Variants in AGAP3 observed in about 807,000 individuals in gnomAD.
AGAP3 encodes the protein arf-GAP with GTPase, ANK repeat and PH domain-containing protein 3.
A neutral mutation model predicts 96.9 loss-of-function variants in AGAP3; 24 were observed. The ratio of observed to expected loss-of-function variants is 0.25; its 90% CI spans 0.18 to 0.35. The LOEUF is 0.35. Ranked by LOEUF, AGAP3 falls within the 10% of genes least tolerant of loss-of-function variation. The pLI, the probability that AGAP3 is intolerant of heterozygous loss-of-function variation, is 1.00. For missense variants in AGAP3, 876 were observed against 1,254.2 expected, an observed-to-expected ratio of 0.70 and a Z score of 4.55; for synonymous variants, 563 against 536.1, an observed-to-expected ratio of 1.05 and a Z score of -0.69.
intron 1 of AGAP3, among the ~76,000 whole-genome samples, chr7:151,111,830 T>C (rs1030335544): frequency 6.6e-6 from 1 of 151,240 alleles, no homozygotes; most frequent in African/African-American, 2.5e-5. Flanking sequence ...TCTCAGCCCC[T>C]GAGAGTCACA....
In AGAP3 at chr7:151,120,854, C is replaced by T. The variant is rs969976987; in HGVS notation, c.1128+709C>T. 3 of 1,152,980 alleles carry T rather than the reference C, an allele frequency of 2.6e-6. No individual in the cohort carries two copies. The African/African-American group carries it at 4.9e-5, about 19-fold the overall frequency. 71.4% of individuals were successfully genotyped at this position (1,152,980 alleles called of 1,614,324 possible). ...CTGAGGGTGGCCTCTGGCTCTCAGGCCCCAGGGCCTGCTGTCTCTCCACTC... is the reference window on the plus strand; with the variant it reads ...CTGAGGGTGGCCTCTGGCTCTCAGGTCCCAGGGCCTGCTGTCTCTCCACTC... On this transcript the variant is annotated intron_variant, in intron 8 of 17. Transcript: ENST00000397238.
intron 8 of AGAP3, among the ~76,000 whole-genome samples, 158 bp downstream of exon 8, chr7:151,120,303 C>T (rs1379880578): frequency 2.0e-5 from 3 of 152,308 alleles, no homozygotes; most frequent in Non-Finnish European, 4.4e-5. Context: ...GGGTCCTTGC[C>T]GGTGCCCTCA....
At chr7:151,116,741 G>A in intron 1 of AGAP3, 52 bp from the exon 2 acceptor site, 1 of 1,608,262 alleles carries the variant, frequency 6.2e-7, no homozygotes, top group Non-Finnish European at 8.5e-7. Flanking sequence ...CAGTGGTTGG[G>A]ACAGGTGTGT....
intron 12 of AGAP3, among the ~76,000 whole-genome samples, 169 bp downstream of exon 12, chr7:151,138,482 G>A (rs967266640): frequency 2.0e-5 from 3 of 152,222 alleles, no homozygotes; most frequent in Admixed American, 2.0e-4. Flanking sequence ...CTGCTTCGGG[G>A]CTAGTACTGA....
intron 9 of AGAP3, among the ~76,000 whole-genome samples, chr7:151,127,695 G>C (rs370047175): frequency 8.5e-5 from 13 of 152,226 alleles, no homozygotes; most frequent in African/African-American, 3.1e-4. Context: ...TTAAGGGAGA[G>C]AAGCTGAGCC....
intron 1 of AGAP3, among the ~76,000 whole-genome samples, chr7:151,103,080 C>T (rs184270809): frequency 3.2e-4 from 48 of 152,356 alleles, no homozygotes; most frequent in Non-Finnish European, 5.0e-4. Context: ...AGAAAGAATG[C>T]CTTTCTCTTA....
chr7:151,123,209 G>A (rs547890977), intron 8 of AGAP3: 29 of 1,076,392 alleles, frequency 2.7e-5, no homozygotes, highest in African/African-American at 1.0e-4. Context: ...CGCCGCCGCC[G>A]CGCTTGCCTT....
In AGAP3 at chr7:151,118,715, C is replaced by T; in HGVS notation, c.969+83C>T. 6.6e-7 allele frequency: 1 copy of T among 1,516,950 alleles called. No individual in the cohort carries two copies. The highest frequency in any genetic ancestry group is 1.2e-5 in the South Asian group (1 of 85,308). 94.0% of individuals were successfully genotyped at this position (1,516,950 alleles called of 1,614,324 possible). On this transcript the variant is annotated intron_variant, in intron 7 of 17. Transcript: ENST00000397238. This position sits in a 1 kb window ranked among gnomAD's most constrained non-coding sequence, Gnocchi z 6.1. The stretch of plus-strand genomic sequence containing the variant: ...TGCGTCCTGCCACTTCTGCTGGCCT[C>T]CTGCTCACACCTGTCCACCTTCCTC...
intron 1 of AGAP3, among the ~76,000 whole-genome samples, chr7:151,087,967 C>T (rs549296313): frequency 6.6e-6 from 1 of 152,256 alleles, no homozygotes; most frequent in African/African-American, 2.4e-5. Context: ...AGATGGGCCT[C>T]ACCCTGGGCC....
Position 151,086,706 on chromosome 7 carries a change from C to A in AGAP3, c.-36C>A. On this transcript the variant is annotated 5_prime_UTR_variant, in exon 1 of 18. Transcript: ENST00000397238. ...CGCCGCCGCCGCCTCCGCCGCGCCG[C>A]CCCGGGCCCGCCTCGGGCCCCACGG... The A allele has an allele frequency of 1.8e-6, 1 of 542,372 alleles. No homozygotes were observed. Among genetic ancestry groups the A allele is most frequent in the Non-Finnish European group, 2.3e-6 (1 of 427,772 alleles). 33.6% of individuals were successfully genotyped at this position (542,372 alleles called of 1,614,324 possible).
In AGAP3 at chr7:151,142,127, A is replaced by T. The variant is rs757042905; in HGVS notation, c.1960-36A>T. The stretch of plus-strand genomic sequence containing the variant: ...CTGAAAGGGGCCTCATGACTGACCA[A>T]CCGCCCCTTGTCTTGTCTCTCCTGC... On this transcript the variant is annotated intron_variant, in intron 14 of 17. Transcript: ENST00000397238. The surrounding 1 kb of genome is among the most constrained non-coding windows in gnomAD (Gnocchi z 7.5). 2 of 1,611,120 alleles carry T rather than the reference A, an allele frequency of 1.2e-6. No homozygotes were observed. Among genetic ancestry groups the T allele is most frequent in the Non-Finnish European group, 1.7e-6 (2 of 1,178,176 alleles).
At chr7:151,112,396 CGTGTGT>C (rs71819427) in intron 1 of AGAP3, among the ~76,000 whole-genome samples, 1,645 of 139,916 alleles carry the variant, frequency 0.012, 20 homozygotes, top group African/African-American at 0.035. Flanking sequence ...TTCCCCGAGA[CGTGTGT>C]GTGTGTGTGT....
intron 1 of AGAP3, among the ~76,000 whole-genome samples, chr7:151,089,450 T>TCGGTGGAAAGGGG (rs1260160610): frequency 2.0e-5 from 3 of 151,972 alleles, no homozygotes; most frequent in Admixed American, 2.0e-4. Context: ...GCTAAGCCTC[T>TCGGTGGAAAGGGG]CGGTGGAAAG....
rs565003788 is a variant in AGAP3, at chr7:151,108,274, T to C, written c.332-8519T>C. On this transcript the variant is annotated intron_variant, in intron 1 of 17. Coordinates refer to ENST00000397238, the MANE Select transcript of AGAP3 (RefSeq NM_031946.7). The surrounding 1 kb of genome is among the most constrained non-coding windows in gnomAD (Gnocchi z 4.2). ...ATGGATAGACAGGAAAACAAACTGC[T>C]CTCAAGTACCATCTGTAGTACTACA... Among the ~76,000 whole-genome samples, 107 of 152,030 alleles carry C rather than the reference T, an allele frequency of 7.0e-4. No individual in the cohort carries two copies. The highest frequency in any genetic ancestry group is 1.3e-3 in the Non-Finnish European group (91 of 68,006).
chr7:151,115,184 G>A, intron 1 of AGAP3: 1 of 1,010,324 alleles, frequency 9.9e-7, no homozygotes, highest in Non-Finnish European at 1.2e-6. Flanking sequence ...TGGAGCTGGC[G>A]GCCGCCGAGG....
chr7:151,112,839 T>C (rs1263610245), intron 1 of AGAP3, among the ~76,000 whole-genome samples: 2 of 152,094 alleles, frequency 1.3e-5, no homozygotes, highest in African/African-American at 4.8e-5. Context: ...TGGACTCAAG[T>C]GATCTGCCTG....
chr7:151,098,462 C>T (rs570039551), intron 1 of AGAP3, among the ~76,000 whole-genome samples: 20 of 151,944 alleles, frequency 1.3e-4, no homozygotes, highest in African/African-American at 4.6e-4. Context: ...CCAACCTGGG[C>T]AATATAGTGA....
intron 9 of AGAP3, chr7:151,128,193 C>T (rs1004948689): frequency 1.1e-5 from 2 of 185,280 alleles, no homozygotes; most frequent in Non-Finnish European, 2.3e-5. Flanking sequence ...TCACTGATGG[C>T]CACTATCTAC....
intron 10 of AGAP3, among the ~76,000 whole-genome samples, chr7:151,130,696 A>G (rs1383440882): frequency 1.3e-5 from 2 of 152,212 alleles, no homozygotes; most frequent in East Asian, 3.9e-4. Flanking sequence ...CAGGCCCCGA[A>G]GCATACTGGG....
Sources: gnomAD v4.1 joint callset for allele counts (sites outside exome capture counted in the v4.1 genomes callset) on GRCh38, gnomAD v4.1.1 for gene constraint, Gnocchi (gnomAD v3.1) non-coding constraint, MANE v1.5 for transcripts, NCBI Gene and HGNC (gene_info 2026-07-23, HGNC 2026-07-21) for gene names.